Variants in ZGRF1 observed in about 807,000 individuals in gnomAD.
ZGRF1 encodes the protein 5'-3' DNA helicase ZGRF1.
ZGRF1 carries 196 observed loss-of-function variants against 203.5 expected under a neutral mutation model. The observed-to-expected ratio is 0.96, with a 90% CI of 0.86 to 1.08. The LOEUF is 1.08. ZGRF1 is among the 50% of genes least tolerant of loss of function. The pLI, the probability that ZGRF1 is intolerant of heterozygous loss-of-function variation, is 0.00. For synonymous variants in ZGRF1, 809 were observed against 841.3 expected (o/e 0.96, Z 0.66); for missense variants, 2,326 against 2,416.3 (o/e 0.96, Z 0.78).
Position 112,617,973 on chromosome 4 carries a change from T to C in ZGRF1, c.2069A>G (p.His690Arg), listed in dbSNP as rs1316908753. Residue 690 changes from histidine (H) to arginine (R), a missense_variant, in exon 6 of 28, where the codon CAT becomes CGT. His to Arg is a conservative substitution (Grantham distance 29, BLOSUM62 0). Transcript: ENST00000505019. ...AATCTGGTTTTGAATATGAGGAATA[T>C]GTAAATTCATGTTTATACCTTTAGA... ...NKSKGINMNL[H>R]IPHIQNQIAE... 1.9e-6 allele frequency: 3 copies of C among 1,612,834 alleles called. No individual in the cohort carries two copies. The highest frequency in any genetic ancestry group is 2.7e-5 in the African/African-American group (2 of 74,932).
At chr4:112,600,896 G>C (rs113519673) in intron 10 of ZGRF1, among the ~76,000 whole-genome samples, 10,682 of 152,026 alleles carry the variant, frequency 0.07, 519 homozygotes, top group Non-Finnish European at 0.099. Flanking sequence ...CCCAGAGATC[G>C]GGGCCTTCGC....
chr4:112,631,799 T>C, intron 3 of ZGRF1, 131 bp downstream of exon 3: 1 of 473,400 alleles, frequency 2.1e-6, no homozygotes, highest in Admixed American at 4.1e-5. Context: ...GGGGATCATT[T>C]GAAAATCTGT....
chr4:112,603,965 G>GT (rs1177482765), intron 9 of ZGRF1, among the ~76,000 whole-genome samples: 1 of 152,180 alleles, frequency 6.6e-6, no homozygotes, highest in Non-Finnish European at 1.5e-5. Context: ...GCTCACATCT[G>GT]TAATTCCTGC....
intron 10 of ZGRF1, among the ~76,000 whole-genome samples, chr4:112,597,273 C>A (rs1416774499): frequency 6.7e-6 from 1 of 150,308 alleles, no homozygotes; most frequent in Non-Finnish European, 1.5e-5. Flanking sequence ...CACCTATAAT[C>A]CCAGCACTTT....
intron 20 of ZGRF1, among the ~76,000 whole-genome samples, chr4:112,557,682 G>T (rs1422717899): frequency 6.6e-6 from 1 of 152,210 alleles, no homozygotes; most frequent in Non-Finnish European, 1.5e-5. Flanking sequence ...CACTGAGGCT[G>T]GGGATCCATT....
intron 21 of ZGRF1, 22 bp downstream of exon 21, chr4:112,554,683 T>G: frequency 7.9e-7 from 1 of 1,269,860 alleles, no homozygotes; most frequent in Non-Finnish European, 1.1e-6. Context: ...ATTCTGTGAC[T>G]TCTGGAATTT....
intron 16 of ZGRF1, among the ~76,000 whole-genome samples, chr4:112,572,060 CA>C (rs1191282238): frequency 6.6e-6 from 1 of 152,094 alleles, no homozygotes; most frequent in East Asian, 1.9e-4. Context: ...ACTATTCTAG[CA>C]AAATTGGTAA....
chr4:112,619,903 C>A (rs902484326), intron 5 of ZGRF1, 99 bp downstream of exon 5: 9 of 1,013,976 alleles, frequency 8.9e-6, no homozygotes, highest in Non-Finnish European at 1.3e-5. Context: ...CTATGAAGTG[C>A]CCTTTGAATG....
intron 24 of ZGRF1, among the ~76,000 whole-genome samples, chr4:112,546,168 G>T (rs1039865542): frequency 6.6e-6 from 1 of 151,832 alleles, no homozygotes; most frequent in Non-Finnish European, 1.5e-5. Context: ...GGTACATATT[G>T]TATGATTCCA....
intron 7 of ZGRF1, 47 bp from the exon 8 acceptor site, chr4:112,609,476 A>G (rs780121996): frequency 9.3e-7 from 1 of 1,079,226 alleles, no homozygotes; most frequent in Non-Finnish European, 1.4e-6. Flanking sequence ...GGCAATAATA[A>G]TTTAGAAAAC....
At position 112,585,616 on chromosome 4, in the gene ZGRF1, T is replaced by G; in HGVS notation, c.4026A>C (p.Ala1342=). 3 of 1,612,810 alleles carry G rather than the reference T, an allele frequency of 1.9e-6. No individual in the cohort carries two copies. The highest frequency in any genetic ancestry group is 2.2e-5 in the South Asian group (2 of 90,934). Residue 1342 remains alanine (A), a synonymous_variant, in exon 14 of 28, where the codon GCA becomes GCC. Transcript: ENST00000505019. ...TSLKGEKLKN[A]ENNVPSCHHS... ...GATGGCAGGATGGTACATTATTTTCTGCGTTTTTCAGTTTCTCTCCCTTCA... is the reference window on the plus strand; with the variant it reads ...GATGGCAGGATGGTACATTATTTTCGGCGTTTTTCAGTTTCTCTCCCTTCA...
intron 3 of ZGRF1, among the ~76,000 whole-genome samples, chr4:112,627,288 A>G (rs968275652): frequency 1.3e-5 from 2 of 152,122 alleles, no homozygotes; most frequent in African/African-American, 4.8e-5. Context: ...ATTTCTCTAT[A>G]ATCATTCTTT....
intron 23 of ZGRF1, 146 bp from the exon 24 acceptor site, chr4:112,547,554 AGCGCATTAAAG>A: frequency 1.4e-6 from 1 of 693,774 alleles, no homozygotes; most frequent in Non-Finnish European, 2.3e-6. Context: ...AGTGCTATTA[AGCGCATTAAAG>A]GCTTTGAAAA....
chr4:112,557,864 C>T (rs1741236401), intron 20 of ZGRF1, among the ~76,000 whole-genome samples: 1 of 152,174 alleles, frequency 6.6e-6, no homozygotes. Context: ...TGGCAGACTG[C>T]CTCCCCCAAC....
At chr4:112,556,717 C>T (rs1741002827) in intron 20 of ZGRF1, among the ~76,000 whole-genome samples, 1 of 152,126 alleles carries the variant, frequency 6.6e-6, no homozygotes, top group South Asian at 2.1e-4. Flanking sequence ...ACAAACAACA[C>T]ATACTACTGA....
Position 112,587,622 on chromosome 4 carries a change from C to T in ZGRF1, c.3435G>A (p.Lys1145=). 1 of 1,613,888 alleles carries T rather than the reference C, an allele frequency of 6.2e-7. No individual in the cohort carries two copies. The highest frequency in any genetic ancestry group is 8.5e-7 in the Non-Finnish European group (1 of 1,179,828). The change falls in exon 12 of 28, where the codon AAG becomes AAA. Residue 1145 remains lysine, a synonymous_variant. Transcript: ENST00000505019. The part of the protein sequence containing the change: ...VSLNNISTQS[K]WLKYQNTSQC... ...GGGATGTGTTTTGATATTTCAGCCACTTGCTCTGAGTAGATATATTATTAA... is the reference window on the plus strand; with the variant it reads ...GGGATGTGTTTTGATATTTCAGCCATTTGCTCTGAGTAGATATATTATTAA...
intron 10 of ZGRF1, among the ~76,000 whole-genome samples, chr4:112,595,312 G>A (rs1422204034): frequency 6.6e-6 from 1 of 152,074 alleles, no homozygotes; most frequent in Non-Finnish European, 1.5e-5. Flanking sequence ...CACGTTCTAA[G>A]TAATTTTGCT....
At chr4:112,607,334 G>A (rs942304517) in intron 8 of ZGRF1, among the ~76,000 whole-genome samples, 4 of 152,046 alleles carry the variant, frequency 2.6e-5, no homozygotes, top group Non-Finnish European at 5.9e-5. Flanking sequence ...GAGTCTCACT[G>A]TATTGCCCAC....
intron 1 of ZGRF1, among the ~76,000 whole-genome samples, chr4:112,635,831 T>C (rs572772275): frequency 6.6e-6 from 1 of 152,068 alleles, no homozygotes; most frequent in South Asian, 2.1e-4. Context: ...ATAACTTATA[T>C]GCTATTTCAC....
Sources: gnomAD v4.1 joint callset for allele counts (sites outside exome capture counted in the v4.1 genomes callset) on GRCh38, gnomAD v4.1.1 for gene constraint, MANE v1.5 for transcripts, NCBI Gene and HGNC (gene_info 2026-07-23, HGNC 2026-07-21) for gene names.